Variants in RNGTT observed in about 807,000 individuals in gnomAD.
RNGTT encodes the protein mRNA-capping enzyme.
Under a neutral mutation model 79.3 loss-of-function variants are expected in RNGTT, and 33 were observed. The observed-to-expected ratio is 0.42, with a 90% confidence interval of 0.32 to 0.56. The LOEUF (loss-of-function observed/expected upper bound fraction) is 0.56. Among genes scored for constraint, RNGTT ranks in the 20% least tolerant of loss-of-function variants. The probability of loss-of-function intolerance (pLI) is 0.17; values close to 1 mark genes in which losing one functional copy is unlikely to be tolerated. For missense variants in RNGTT, 497 were observed against 739.1 expected (o/e 0.67, Z 3.80); for synonymous variants, 222 against 235.9 (o/e 0.94, Z 0.54).
At chr6:88,784,928 G>T (rs973335955) in intron 12 of RNGTT, among the ~76,000 whole-genome samples, 1 of 151,984 alleles carries the variant, frequency 6.6e-6, no homozygotes, top group African/African-American at 2.4e-5. Flanking sequence ...ATTTGTATTT[G>T]CTTCTATATA....
intron 1 of RNGTT, among the ~76,000 whole-genome samples, chr6:88,954,215 C>A (rs922438679): frequency 6.6e-6 from 1 of 152,120 alleles, no homozygotes; most frequent in Non-Finnish European, 1.5e-5. Flanking sequence ...AACCCACAAA[C>A]CAAGTATCTG....
In RNGTT at chr6:88,904,143, A is replaced by T. The variant is rs148987367; in HGVS notation, c.684+572T>A. Among the ~76,000 whole-genome samples the T allele has an allele frequency of 7.5e-4, 115 of 152,344 alleles. No homozygotes were observed. In the East Asian group the frequency reaches 0.02, roughly 27 times the overall value. Reference sequence around the variant, plus strand: ...TGAAATCTCACAATACTTTGTAAAGAAATAGTAAGTTCTCAATCTAATATC... The same window carrying T: ...TGAAATCTCACAATACTTTGTAAAGTAATAGTAAGTTCTCAATCTAATATC... On this transcript the variant is annotated intron_variant, in intron 6 of 15. Coordinates refer to ENST00000369485, the MANE Select transcript of RNGTT (RefSeq NM_003800.5).
intron 2 of RNGTT, among the ~76,000 whole-genome samples, chr6:88,934,672 C>A (rs972430702): frequency 1.3e-5 from 2 of 151,988 alleles, no homozygotes; most frequent in African/African-American, 4.8e-5. Flanking sequence ...AACAGAGTCT[C>A]ACTCGTTGCC....
intron 11 of RNGTT, among the ~76,000 whole-genome samples, chr6:88,841,331 T>C (rs1186148143): frequency 1.3e-5 from 2 of 152,190 alleles, no homozygotes; most frequent in African/African-American, 2.4e-5. Context: ...ATTTGTTGAA[T>C]GAAAAAGATA....
rs139085259 is a variant in RNGTT at position 88,849,488 on chromosome 6, A to G, written c.1104+267T>C. Among the ~76,000 whole-genome samples, 100 of 152,130 alleles carry G rather than the reference A, an allele frequency of 6.6e-4. 5 individuals carry two copies. In the East Asian group the frequency reaches 0.018, roughly 28 times the overall value. ...AATTAAAATCAGAAATGTTCATTTT[A>G]TGAAATGCTGTCTTATTTTATCAGA... On this transcript the variant is annotated intron_variant, in intron 10 of 15. Transcript: ENST00000369485.
chr6:88,938,233 T>C lies in RNGTT; in HGVS notation c.174+2838A>G, dbSNP rs532132294. 9.3e-4 allele frequency among the ~76,000 whole-genome samples: 141 copies of C among 152,338 alleles called. 2 individuals are homozygous for C. The highest frequency in any genetic ancestry group is 3.3e-3 in the African/African-American group (136 of 41,594). On this transcript the variant is annotated intron_variant, in intron 2 of 15. Transcript: ENST00000369485. Reference sequence around the variant, plus strand: ...CTCTGATGTTGAGTGCATATATGTTTAGAATTGTTATATCCTCTTGCCAAA... The same window carrying C: ...CTCTGATGTTGAGTGCATATATGTTCAGAATTGTTATATCCTCTTGCCAAA...
chr6:88,726,482 A>C (rs1025480766), intron 13 of RNGTT, among the ~76,000 whole-genome samples: 3 of 152,160 alleles, frequency 2.0e-5, no homozygotes, highest in Non-Finnish European at 4.4e-5. Context: ...ATTTAACATT[A>C]ACCACTGAAA....
Position 88,963,459 on chromosome 6 carries a change from T to C in RNGTT, c.-50A>G, listed in dbSNP as rs755982315. 1.5e-5 allele frequency: 22 copies of C among 1,494,544 alleles called. No individual in the cohort carries two copies. Among genetic ancestry groups the C allele is most frequent in the Non-Finnish European group, 1.6e-5 (18 of 1,116,824 alleles). The allele number at this position is 1,494,544 out of a possible 1,614,324, so 92.6% of individuals were successfully genotyped here. A position where few individuals can be genotyped will look rare whatever the true frequency, so the allele number is the denominator to read the frequency against. ...CTCCCTCACCAACGTTCACCGCGCCTTTGGAGCCGCCTCCCCGTGGTCCGG... is the reference window on the plus strand; with the variant it reads ...CTCCCTCACCAACGTTCACCGCGCCCTTGGAGCCGCCTCCCCGTGGTCCGG... On this transcript the variant is annotated 5_prime_UTR_variant, in exon 1 of 16. Coordinates refer to ENST00000369485, the MANE Select transcript of RNGTT (RefSeq NM_003800.5).
chr6:88,672,747 A>G (rs1020334844), intron 14 of RNGTT, among the ~76,000 whole-genome samples: 2 of 152,216 alleles, frequency 1.3e-5, no homozygotes, highest in Admixed American at 1.3e-4. Flanking sequence ...TCCCCTAACC[A>G]CAATGAAATC....
intron 5 of RNGTT, 130 bp downstream of exon 5, chr6:88,906,235 A>C: frequency 1.6e-6 from 1 of 625,102 alleles, no homozygotes; most frequent in Non-Finnish European, 2.8e-6. Context: ...CATATCTAAA[A>C]TGAAAAGCAG....
intron 11 of RNGTT, among the ~76,000 whole-genome samples, chr6:88,814,658 T>C (rs965236457): frequency 2.0e-5 from 3 of 152,142 alleles, no homozygotes; most frequent in African/African-American, 4.8e-5. Context: ...TTTAGAAGAA[T>C]AGTAAGTACT....
chr6:88,802,311 T>A (rs879753347), intron 11 of RNGTT, among the ~76,000 whole-genome samples: 2,137 of 152,298 alleles, frequency 0.014, 45 homozygotes, highest in African/African-American at 0.048. Context: ...AAGCAGAGAA[T>A]TTCATTGCAA....
At chr6:88,703,688 A>G (rs1776020321) in intron 13 of RNGTT, among the ~76,000 whole-genome samples, 1 of 152,188 alleles carries the variant, frequency 6.6e-6, no homozygotes, top group African/African-American at 2.4e-5. Flanking sequence ...ATCTAAAATA[A>G]AAGTTTGAAA....
chr6:88,728,944 G>A (rs536536358), intron 13 of RNGTT, among the ~76,000 whole-genome samples: 2 of 152,324 alleles, frequency 1.3e-5, no homozygotes, highest in South Asian at 4.1e-4. Context: ...ATGCTTGTAT[G>A]CATGGCAGGC....
chr6:88,665,662 G>T (rs1482999475), intron 14 of RNGTT, among the ~76,000 whole-genome samples: 1 of 152,158 alleles, frequency 6.6e-6, no homozygotes, highest in African/African-American at 2.4e-5. Flanking sequence ...GAGGATCCGG[G>T]GTCAGGTGTC....
chr6:88,772,121 G>C (rs1251136457), intron 12 of RNGTT, among the ~76,000 whole-genome samples: 2 of 151,966 alleles, frequency 1.3e-5, no homozygotes, highest in African/African-American at 4.8e-5. Context: ...CAAGGCTATA[G>C]TGAGCCATGA....
chr6:88,934,364 T>C (rs1443584079), intron 2 of RNGTT, among the ~76,000 whole-genome samples: 1 of 151,834 alleles, frequency 6.6e-6, no homozygotes, highest in Non-Finnish European at 1.5e-5. Flanking sequence ...TGGTGCAAGA[T>C]GATATTTCAT....
chr6:88,788,009 T>C (rs185063153), intron 12 of RNGTT, among the ~76,000 whole-genome samples: 6 of 152,324 alleles, frequency 3.9e-5, no homozygotes, highest in Admixed American at 2.0e-4. Context: ...GTCTTTGATA[T>C]GCAGATGCTT....
chr6:88,765,141 G>A lies in RNGTT; in HGVS notation c.1439+4633C>T, dbSNP rs150677093. On this transcript the variant is annotated intron_variant, in intron 13 of 15. Transcript: ENST00000369485. ...CAGGAGGCAGAGCTTGCAGTGAGCT[G>A]AGATCCCACCACTGCACTCCAGCCT... 9.8e-3 allele frequency among the ~76,000 whole-genome samples: 1,462 copies of A among 148,698 alleles called. 24 individuals carry two copies. Among genetic ancestry groups the A allele is most frequent in the African/African-American group, 0.034 (1,376 of 40,162 alleles).
Sources: gnomAD v4.1 joint callset for allele counts (sites outside exome capture counted in the v4.1 genomes callset) on GRCh38, gnomAD v4.1.1 for gene constraint, MANE v1.5 for transcripts, NCBI Gene and HGNC (gene_info 2026-07-23, HGNC 2026-07-21) for gene names.